ITGA1: variants seen among roughly 807,000 people sequenced by gnomAD.
ITGA1 encodes the protein integrin alpha-1.
A neutral mutation model predicts 145.9 loss-of-function variants in ITGA1; 85 were observed. The observed-to-expected ratio is 0.58, with a 90% confidence interval of 0.49 to 0.70. The LOEUF is 0.70. Ranked by LOEUF, ITGA1 falls within the 30% of genes least tolerant of loss-of-function variation. The probability of loss-of-function intolerance (pLI) is 0.00; values close to 1 mark genes in which losing one functional copy is unlikely to be tolerated. For missense variants in ITGA1, 1,351 were observed against 1,418.7 expected (o/e 0.95, Z 0.77); for synonymous variants, 520 against 495.3 (o/e 1.05, Z -0.66).
At chr5:52,926,921 G>GAGATGCA (rs1750820304) in intron 19 of ITGA1, among the ~76,000 whole-genome samples, 2 of 151,954 alleles carry the variant, frequency 1.3e-5, no homozygotes, top group African/African-American at 4.8e-5. Context: ...GCAGAGATGC[G>GAGATGCA]AAGATAAAAC....
rs1429785509 is a variant in ITGA1 at position 52,796,987 on chromosome 5, G to T, written c.61+8573G>T. On this transcript the variant is annotated intron_variant, in intron 1 of 28. Coordinates refer to ENST00000282588, the MANE Select transcript of ITGA1 (RefSeq NM_181501.2). ...AGGTTACTTTCAAGGTGGAATATAG[G>T]GTGCCCTGAGGGGAAAAGTGGGAAG... Among the ~76,000 whole-genome samples the T allele has an allele frequency of 2.0e-5, 3 of 152,166 alleles. No homozygotes were observed. In the East Asian group the frequency reaches 5.8e-4, roughly 29 times the overall value.
At position 52,958,857 on chromosome 5, in the gene ITGA1, A is replaced by G. The variant is rs1298999989; in HGVS notation, c.*6406A>G. On this transcript the variant is annotated 3_prime_UTR_variant, in exon 29 of 29. Transcript: ENST00000282588. Reference sequence around the variant, plus strand: ...CTAACTTAAGGGAATGTGCATTTCTACAAGACTTTAATTGGATAAACTCAT... The same window carrying G: ...CTAACTTAAGGGAATGTGCATTTCTGCAAGACTTTAATTGGATAAACTCAT... 1 of 152,164 alleles carries G rather than the reference A, an allele frequency of 6.6e-6. No homozygotes were observed. The highest frequency in any genetic ancestry group is 1.5e-5 in the Non-Finnish European group (1 of 68,024). 9.4% of individuals were successfully genotyped at this position (152,164 alleles called of 1,614,324 possible).
chr5:52,834,553 AG>A (rs1749126624), intron 1 of ITGA1, among the ~76,000 whole-genome samples: 11 of 81,150 alleles, frequency 1.4e-4, no homozygotes, highest in Admixed American at 5.3e-4. Flanking sequence ...AGAAAGAGAA[AG>A]AGAGAGAGAA....
intron 1 of ITGA1, among the ~76,000 whole-genome samples, chr5:52,798,114 T>A (rs192733724): frequency 2.6e-5 from 4 of 152,342 alleles, no homozygotes; most frequent in South Asian, 2.1e-4. Flanking sequence ...ATACTTTTTT[T>A]AAAATACAGT....
intron 25 of ITGA1, 27 bp from the exon 26 acceptor site, chr5:52,939,813 G>T (rs749384314): frequency 4.1e-6 from 6 of 1,480,348 alleles, no homozygotes; most frequent in East Asian, 4.5e-5. Flanking sequence ...CAAGAATACT[G>T]ATATGTATCT....
chr5:52,791,213 A>C (rs543867959), intron 1 of ITGA1, among the ~76,000 whole-genome samples: 1 of 152,356 alleles, frequency 6.6e-6, no homozygotes, highest in African/African-American at 2.4e-5. Flanking sequence ...AACTGAAGAC[A>C]GTTTCATAAA....
intron 1 of ITGA1, among the ~76,000 whole-genome samples, chr5:52,826,286 C>G (rs1748960634): frequency 6.6e-6 from 1 of 152,190 alleles, no homozygotes; most frequent in African/African-American, 2.4e-5. Context: ...GATCCTAACT[C>G]TCTTCAGTTC....
intron 9 of ITGA1, among the ~76,000 whole-genome samples, chr5:52,896,300 G>T (rs1337044633): frequency 6.6e-6 from 1 of 152,164 alleles, no homozygotes; most frequent in Non-Finnish European, 1.5e-5. Flanking sequence ...AATAATGCAG[G>T]TTTCCGTTGC....
chr5:52,868,926 A>T (rs1431455689), intron 6 of ITGA1, among the ~76,000 whole-genome samples: 1 of 152,224 alleles, frequency 6.6e-6, no homozygotes, highest in Non-Finnish European at 1.5e-5. Context: ...CTAAGGGCTT[A>T]CTATGTTCCA....
intron 7 of ITGA1, among the ~76,000 whole-genome samples, chr5:52,885,530 C>T (rs1250418439): frequency 1.3e-5 from 2 of 152,152 alleles, no homozygotes; most frequent in Non-Finnish European, 2.9e-5. Flanking sequence ...AGTTCTGCAC[C>T]AGAAACCAGA....
chr5:52,924,780 A>G (rs982687044), intron 18 of ITGA1, among the ~76,000 whole-genome samples: 3 of 152,078 alleles, frequency 2.0e-5, no homozygotes, highest in African/African-American at 7.2e-5. Flanking sequence ...AGAGGAGTAG[A>G]ATGGACAGGG....
intron 7 of ITGA1, among the ~76,000 whole-genome samples, chr5:52,885,987 C>G (rs1750040128): frequency 2.0e-5 from 3 of 152,148 alleles, no homozygotes; most frequent in African/African-American, 7.2e-5. Flanking sequence ...AAGATAATAT[C>G]ATGGAACAGC....
In ITGA1 at chr5:52,956,735, C is replaced by G. The variant is rs536375034; in HGVS notation, c.*4284C>G. ...GCACCCAACAATCGCCAACCTCACC[C>G]ATGGAAATCATCTAAAAAATGAAAA... On this transcript the variant is annotated 3_prime_UTR_variant, in exon 29 of 29. Coordinates refer to ENST00000282588, the MANE Select transcript of ITGA1 (RefSeq NM_181501.2). 6.6e-6 allele frequency: 1 copy of G among 152,340 alleles called. No homozygotes were observed. Among genetic ancestry groups the G allele is most frequent in the South Asian group, 2.1e-4 (1 of 4,832 alleles). 9.4% of individuals were successfully genotyped at this position (152,340 alleles called of 1,614,324 possible).
At position 52,905,789 on chromosome 5, in the gene ITGA1, T is replaced by G; in HGVS notation, c.1336T>G (p.Ser446Ala). ...LGYTVNSATA[S>A]SGDVLYIAGQ... ...TTACACTGTAAACTCTGCTACTGCTTCTTCTGGAGATGTGCTCTATATTGC... is the reference window on the plus strand; with the variant it reads ...TTACACTGTAAACTCTGCTACTGCTGCTTCTGGAGATGTGCTCTATATTGC... The change falls in exon 12 of 29, where the codon TCT becomes GCT. Residue 446 changes from serine to alanine, a missense_variant. By Grantham distance (99) the Ser-to-Ala change is moderately conservative. Coordinates refer to ENST00000282588, the MANE Select transcript of ITGA1 (RefSeq NM_181501.2). The G allele has an allele frequency of 6.2e-7, 1 of 1,613,484 alleles. No homozygotes were observed. The highest frequency in any genetic ancestry group is 8.5e-7 in the Non-Finnish European group (1 of 1,179,630).
At chr5:52,887,095 A>G (rs961674139) in intron 7 of ITGA1, among the ~76,000 whole-genome samples, 13 of 152,170 alleles carry the variant, frequency 8.5e-5, no homozygotes, top group African/African-American at 3.1e-4. Context: ...CTCCATTGCC[A>G]TCTTCTCCCA....
In ITGA1 at chr5:52,788,384, G is replaced by A; in HGVS notation, c.31G>A (p.Val11Ile). 1 of 1,512,742 alleles carries A rather than the reference G, an allele frequency of 6.6e-7. No individual in the cohort carries two copies. The highest frequency in any genetic ancestry group is 8.8e-7 in the Non-Finnish European group (1 of 1,133,986). The allele number at this position is 1,512,742 out of a possible 1,614,324, so 93.7% of individuals were successfully genotyped here. A position where few individuals can be genotyped will look rare whatever the true frequency, so the allele number is the denominator to read the frequency against. MAPRPRARPG[V>I]AVACCWLLTV... ...CCCTCGGCCCCGCGCCCGCCCAGGG[G>A]TCGCTGTCGCCTGCTGCTGGCTCCT... Residue 11 changes from valine to isoleucine, a missense_variant, in exon 1 of 29, where the codon GTC becomes ATC. Coordinates refer to ENST00000282588, the MANE Select transcript of ITGA1 (RefSeq NM_181501.2).
rs1270124368 is a variant in ITGA1, at chr5:52,910,407, A to C, written c.1845A>C (p.Lys615Asn). 6.2e-7 allele frequency: 1 copy of C among 1,613,242 alleles called. No homozygotes were observed. Among genetic ancestry groups the C allele is most frequent in the Non-Finnish European group, 8.5e-7 (1 of 1,179,432 alleles). Residue 615 changes from lysine to asparagine, a missense_variant, in exon 14 of 29, where the codon AAA (lysine) becomes AAC (asparagine). Transcript: ENST00000282588. ...IYHGSGKTIR[K>N]EYAQRIPSGG... ...ATGGAAGTGGCAAGACTATAAGGAAAGAGTATGCACAAGTAAGAATTGAAA... is the reference window on the plus strand; with the variant it reads ...ATGGAAGTGGCAAGACTATAAGGAACGAGTATGCACAAGTAAGAATTGAAA...
chr5:52,791,252 C>T (rs985910568), intron 1 of ITGA1, among the ~76,000 whole-genome samples: 1 of 151,934 alleles, frequency 6.6e-6, no homozygotes, highest in African/African-American at 2.4e-5. Flanking sequence ...CTTAAAGGAA[C>T]AAGAAAAGAG....
chr5:52,819,402 G>A (rs1748830931), intron 1 of ITGA1, among the ~76,000 whole-genome samples: 1 of 152,150 alleles, frequency 6.6e-6, no homozygotes, highest in African/African-American at 2.4e-5. Context: ...GGCCAGTGAT[G>A]ATGAGCATTT....
Sources: allele counts gnomAD v4.1 joint callset (sites outside exome capture counted in the v4.1 genomes callset), GRCh38; gene constraint gnomAD v4.1.1; transcripts MANE v1.5; gene names NCBI Gene and HGNC (gene_info 2026-07-23, HGNC 2026-07-21).